The following MAP3K15 variants were observed in gnomAD, a reference collection of about 807,000 sequenced individuals.
MAP3K15 encodes the protein mitogen-activated protein kinase kinase kinase 15, also known as MAPK/ERK kinase kinase 15.
MAP3K15 carries 124 observed loss-of-function variants against 99.5 expected under a neutral mutation model. The ratio of observed to expected loss-of-function variants is 1.25; its 90% CI spans 1.08 to 1.45. The LOEUF is 1.45. Ranked by LOEUF, MAP3K15 falls within the 40% of genes most tolerant of loss-of-function variation. The pLI is 0.00. For synonymous variants in MAP3K15, 494 were observed against 439.6 expected (o/e 1.12, Z -1.55); for missense variants, 1,242 against 1,079.7 (o/e 1.15, Z -2.11).
chrX:19,376,369 T>C (rs763777427), intron 19 of MAP3K15, among the ~76,000 whole-genome samples: 25 of 109,898 alleles, frequency 2.3e-4, no homozygotes, highest in African/African-American at 4.3e-4. Context: ...TGCACCCCCC[T>C]CTCTCCTCTG....
intron 3 of MAP3K15, among the ~76,000 whole-genome samples, chrX:19,469,610 G>T (rs1401597731): frequency 1.9e-4 from 21 of 110,686 alleles, no homozygotes; most frequent in Non-Finnish European, 2.6e-4. Flanking sequence ...AGAGTGAACA[G>T]GCAACCTACA....
intron 13 of MAP3K15, among the ~76,000 whole-genome samples, chrX:19,403,696 C>A (rs1447829028): frequency 9.2e-6 from 1 of 108,163 alleles, no homozygotes; most frequent in African/African-American, 3.4e-5. Flanking sequence ...TCGAACTGCC[C>A]ACTCAAGCAA....
At chrX:19,406,251 G>T (rs1006922458) in intron 13 of MAP3K15, among the ~76,000 whole-genome samples, 5 of 112,369 alleles carry the variant, frequency 4.4e-5, no homozygotes, top group Admixed American at 1.9e-4. Flanking sequence ...ATAAAAACAT[G>T]TCCTCACAAA....
chrX:19,373,924 G>A (rs1368149061), intron 20 of MAP3K15, among the ~76,000 whole-genome samples: 1 of 111,338 alleles, frequency 9.0e-6, no homozygotes, highest in Non-Finnish European at 1.9e-5. Context: ...GGCAGCTTCT[G>A]ACCCCGATCG....
intron 21 of MAP3K15, 28 bp downstream of exon 21, chrX:19,373,508 G>A (rs751811686): frequency 1.6e-5 from 19 of 1,161,495 alleles, no homozygotes; most frequent in South Asian, 5.7e-5. Flanking sequence ...TTTCGGGCCC[G>A]CGGCAGACAG....
At chrX:19,381,131 G>C (rs1569204731) in intron 18 of MAP3K15, among the ~76,000 whole-genome samples, 1 of 111,905 alleles carries the variant, frequency 8.9e-6, no homozygotes, top group Non-Finnish European at 1.9e-5. Flanking sequence ...CTCTCTGCCT[G>C]GTTCGGGTCA....
chrX:19,429,087 T>C (rs141136992), intron 7 of MAP3K15, among the ~76,000 whole-genome samples: 5 of 111,455 alleles, frequency 4.5e-5, no homozygotes, highest in African/African-American at 1.6e-4. Flanking sequence ...AACTACAGTT[T>C]AGTTGGACAC....
At chrX:19,413,575 G>C (rs1375722358) in intron 10 of MAP3K15, 111 bp from the exon 11 acceptor site, 4 of 382,623 alleles carry the variant, frequency 1.0e-5, no homozygotes, top group Non-Finnish European at 1.7e-5. Context: ...TGAGGGCCAG[G>C]CACAGTGGCT....
intron 14 of MAP3K15, 121 bp downstream of exon 14, chrX:19,400,455 G>T: frequency 2.2e-6 from 1 of 457,510 alleles, no homozygotes; most frequent in Non-Finnish European, 3.7e-6. Context: ...ACCATGCAGT[G>T]ATGGCTGGCA....
intron 6 of MAP3K15, 58 bp from the exon 7 acceptor site, chrX:19,431,666 C>T: frequency 2.9e-6 from 3 of 1,046,034 alleles, no homozygotes; most frequent in Admixed American, 2.6e-5. Context: ...GGAGTAGAGG[C>T]CAGGTGCAGT....
Position 19,425,597 on chromosome X carries a change from A to G in MAP3K15, c.1373T>C (p.Leu458Pro). 8.3e-7 allele frequency: 1 copy of G among 1,199,593 alleles called. No individual in the cohort carries two copies. The highest frequency in any genetic ancestry group is 3.0e-5 in the East Asian group (1 of 33,827). The change falls in exon 9 of 29, where the codon CTG becomes CCG. Residue 458 changes from leucine to proline, a missense_variant. Physicochemically the swap from Leu to Pro is moderately conservative, Grantham distance 98. Transcript: ENST00000338883. ...DVGQFFSVSMLAHDVGKAVQA... is the reference protein window; with the variant it reads ...DVGQFFSVSMPAHDVGKAVQA... ...GACGGCTTTCCCGACATCATGGGCC[A>G]GCATGCTGACGCTGAAGAACTGACC... is the stretch of plus-strand genomic sequence containing the variant.
rs1185132931 is a variant in MAP3K15, at chrX:19,371,486, G to C, written c.3153C>G (p.Ile1051Met). The C allele has an allele frequency of 8.3e-7, 1 of 1,209,718 alleles. No homozygotes were observed. The highest frequency in any genetic ancestry group is 2.2e-5 in the Admixed American group (1 of 45,953). The change falls in exon 23 of 29, where the codon ATC (isoleucine) becomes ATG (methionine). Residue 1051 changes from isoleucine to methionine, a missense_variant. Physicochemically the swap from Ile to Met is conservative, Grantham distance 10 (BLOSUM62 1). Transcript: ENST00000338883. ...GGATGAAGTCCCTCAGGATCCCAAT[G>C]ATTTGCTTGATGTGTCCAACTGAGA... ...LHLSVGHIKQ[I>M]IGILRDFIRS...
chrX:19,496,849 T>C (rs1462929480), intron 1 of MAP3K15: 1 of 112,088 alleles, frequency 8.9e-6, no homozygotes, highest in African/African-American at 3.3e-5. Context: ...TCACCCATTC[T>C]GTGCTCTACG....
chrX:19,422,426 A>G (rs1216835339), intron 9 of MAP3K15, among the ~76,000 whole-genome samples: 1 of 112,499 alleles, frequency 8.9e-6, no homozygotes, highest in Non-Finnish European at 1.9e-5. Flanking sequence ...AGACACATGA[A>G]AAAATGATCA....
At chrX:19,394,789 CTTTTTTT>C (rs144723219) in intron 16 of MAP3K15, among the ~76,000 whole-genome samples, 3 of 17,515 alleles carry the variant, frequency 1.7e-4, no homozygotes, top group African/African-American at 4.1e-4. Context: ...GGGTCTGTTG[CTTTTTTT>C]TTTTTTTTTT....
At chrX:19,445,576 TGA>T (rs1424778039) in intron 6 of MAP3K15, among the ~76,000 whole-genome samples, 1 of 74,415 alleles carries the variant, frequency 1.3e-5, no homozygotes, top group Non-Finnish European at 2.4e-5. Context: ...GGCGACAGAG[TGA>T]GACTCTGTCT....
Position 19,371,461 on chromosome X carries a change from G to T in MAP3K15, c.3178C>A (p.Arg1060Ser). ...QIIGILRDFI[R>S]SPEHRVMATT... is the part of the protein sequence containing the mutation. Reference sequence around the variant, plus strand: ...GCCATCACCCGGTGCTCTGGGGAGCGGATGAAGTCCCTCAGGATCCCAATG... The same window carrying T: ...GCCATCACCCGGTGCTCTGGGGAGCTGATGAAGTCCCTCAGGATCCCAATG... Residue 1060 changes from arginine (R) to serine (S), a missense_variant, in exon 23 of 29, where the codon CGC becomes AGC. Transcript: ENST00000338883. The T allele has an allele frequency of 8.3e-7, 1 of 1,210,515 alleles. No homozygotes were observed. The highest frequency in any genetic ancestry group is 1.1e-6 in the Non-Finnish European group (1 of 894,455).
At chrX:19,478,952 T>C (rs1416421320) in intron 3 of MAP3K15, among the ~76,000 whole-genome samples, 3 of 110,886 alleles carry the variant, frequency 2.7e-5, no homozygotes, top group Non-Finnish European at 5.7e-5. Context: ...ACAGAGAAGG[T>C]GCTTGTCTCC....
chrX:19,503,954 A>G (rs2064457573), intron 1 of MAP3K15, among the ~76,000 whole-genome samples: 1 of 69,616 alleles, frequency 1.4e-5, no homozygotes. Flanking sequence ...CATCTCTACA[A>G]AAAAAAGTAA....
Sources: allele counts gnomAD v4.1 joint callset (sites outside exome capture counted in the v4.1 genomes callset), GRCh38; gene constraint gnomAD v4.1.1; transcripts MANE v1.5; gene names NCBI Gene and HGNC (gene_info 2026-07-23, HGNC 2026-07-21).